The following SGCD variants were observed in gnomAD, a reference collection of about 807,000 sequenced individuals.
SGCD encodes the protein delta-sarcoglycan.
In SGCD, 18 loss-of-function variants were observed where a neutral mutation model predicts 36.6. The ratio of observed to expected loss-of-function variants is 0.49; its 90% CI spans 0.34 to 0.73. The LOEUF (loss-of-function observed/expected upper bound fraction) is 0.73. Ranked by LOEUF, SGCD falls within the 30% of genes least tolerant of loss-of-function variation. The pLI is 0.01. For missense variants in SGCD, 387 were observed against 346.7 expected, an observed-to-expected ratio of 1.12 and a Z score of -0.92; for synonymous variants, 133 against 130.6, an observed-to-expected ratio of 1.02 and a Z score of -0.12.
At chr5:156,263,795 C>T (rs900111625) in intron 3 of SGCD, among the ~76,000 whole-genome samples, 1 of 152,090 alleles carries the variant, frequency 6.6e-6, no homozygotes, top group African/African-American at 2.4e-5. Context: ...GATCCAGCTT[C>T]ATTCTTCTAC....
intron 3 of SGCD, among the ~76,000 whole-genome samples, chr5:156,451,381 T>A (rs1754005779): frequency 1.3e-5 from 2 of 152,140 alleles, no homozygotes; most frequent in African/African-American, 4.8e-5. Flanking sequence ...GATAAGAGTA[T>A]GTTTAATAGA....
intron 4 of SGCD, among the ~76,000 whole-genome samples, chr5:156,540,249 A>G (rs76715985): frequency 0.017 from 2,656 of 152,224 alleles, 31 homozygotes; most frequent in Non-Finnish European, 0.029. Context: ...AGCACTTTCT[A>G]TGGTTCCTAG....
chr5:156,294,749 C>A (rs1766851554), intron 3 of SGCD, among the ~76,000 whole-genome samples: 1 of 152,012 alleles, frequency 6.6e-6, no homozygotes, highest in Non-Finnish European at 1.5e-5. Flanking sequence ...CATGTGGTTC[C>A]TCCTGCTTCA....
intron 4 of SGCD, among the ~76,000 whole-genome samples, chr5:156,511,399 G>A (rs762405299): frequency 4.6e-5 from 7 of 152,174 alleles, no homozygotes; most frequent in Non-Finnish European, 4.4e-5. Context: ...TTCGCTGTCT[G>A]CTGCCTTACC....
At chr5:155,875,948 C>T (rs991373707) in intron 1 of SGCD, among the ~76,000 whole-genome samples, 1 of 151,828 alleles carries the variant, frequency 6.6e-6, no homozygotes, top group South Asian at 2.1e-4. Context: ...ACCTAACACC[C>T]TGTGCAAATT....
intron 7 of SGCD, among the ~76,000 whole-genome samples, chr5:156,752,829 C>G (rs954536532): frequency 6.6e-6 from 1 of 152,270 alleles, no homozygotes; most frequent in East Asian, 1.9e-4. Flanking sequence ...CAACCACTGG[C>G]CAGGTTAGAT....
chr5:155,988,592 C>T (rs1308447335), intron 1 of SGCD, among the ~76,000 whole-genome samples: 6 of 151,672 alleles, frequency 4.0e-5, no homozygotes, highest in African/African-American at 1.5e-4. Context: ...CTCCAGTCTC[C>T]GTCATACTTT....
chr5:156,553,104 A>C (rs1022697861), intron 4 of SGCD, among the ~76,000 whole-genome samples: 2 of 152,146 alleles, frequency 1.3e-5, no homozygotes, highest in African/African-American at 4.8e-5. Flanking sequence ...GAAGCAAGAG[A>C]GGTGGAGAGA....
intron 3 of SGCD, among the ~76,000 whole-genome samples, chr5:156,475,822 A>T (rs1755154720): frequency 6.6e-6 from 1 of 152,238 alleles, no homozygotes; most frequent in Non-Finnish European, 1.5e-5. Flanking sequence ...GTCCCAAAAG[A>T]GGAGCTATGA....
intron 3 of SGCD, among the ~76,000 whole-genome samples, chr5:156,394,066 G>A (rs1343329762): frequency 6.6e-6 from 1 of 152,200 alleles, no homozygotes; most frequent in Admixed American, 6.5e-5. Flanking sequence ...GGACACTTGG[G>A]AGGAATTCAT....
At chr5:155,861,498 T>TA in the SGCD span, among the ~76,000 whole-genome samples, 1 of 151,736 alleles carries the variant, frequency 6.6e-6, no homozygotes, top group South Asian at 2.1e-4. Flanking sequence ...GTCACGGTAC[T>TA]AAAAAAAGAA....
chr5:156,112,451 T>A (rs1761809308), intron 1 of SGCD, among the ~76,000 whole-genome samples: 1 of 152,188 alleles, frequency 6.6e-6, no homozygotes, highest in Admixed American at 6.5e-5. Context: ...TAAATTAGTG[T>A]GTGCTGAGGA....
rs553982105 is a variant in SGCD, at chr5:156,242,937, A to G, written c.-43-86597A>G. On this transcript the variant is annotated intron_variant, in intron 3 of 9. Transcript: ENST00000517913. ...TGTCAAGGGTAACAAAGTTGTTGCT[A>G]CAGAGACGTGGCTGGGTAAGGAATA... Among the ~76,000 whole-genome samples, 193 of 152,302 alleles carry G rather than the reference A, an allele frequency of 1.3e-3. 2 individuals are homozygous for G. The highest frequency in any genetic ancestry group is 4.6e-3 in the African/African-American group (192 of 41,570).
intron 3 of SGCD, among the ~76,000 whole-genome samples, chr5:156,378,968 C>G (rs937696494): frequency 6.6e-6 from 1 of 152,148 alleles, no homozygotes. Context: ...TCCATTCAGT[C>G]ATTGAATGTC....
intron 4 of SGCD, among the ~76,000 whole-genome samples, chr5:156,522,047 G>A (rs7701076): frequency 0.27 from 40,463 of 151,926 alleles, 5,606 homozygotes; most frequent in Non-Finnish European, 0.31. Flanking sequence ...CCTTCGAAGG[G>A]ACATAGATGA....
intron 4 of SGCD, among the ~76,000 whole-genome samples, chr5:156,538,420 G>A (rs537910214): frequency 6.6e-6 from 1 of 152,024 alleles, no homozygotes; most frequent in South Asian, 2.1e-4. Context: ...CCTGTGCCTG[G>A]CGACTTCTCA....
At chr5:155,793,909 A>C in the SGCD span, among the ~76,000 whole-genome samples, 2 of 150,512 alleles carry the variant, frequency 1.3e-5, no homozygotes, top group Non-Finnish European at 3.0e-5. Flanking sequence ...TCCCCTCAAC[A>C]TATTTGCTGA....
chr5:155,789,969 A>C, the SGCD span, among the ~76,000 whole-genome samples: 15 of 152,088 alleles, frequency 9.9e-5, no homozygotes, highest in Non-Finnish European at 2.1e-4. Flanking sequence ...TGGAGTATAG[A>C]TGACCTTTAG....
chr5:156,390,791 G>A (rs1771521827), intron 3 of SGCD, among the ~76,000 whole-genome samples: 1 of 151,884 alleles, frequency 6.6e-6, no homozygotes, highest in Admixed American at 6.6e-5. Context: ...ATAGAATAAG[G>A]GTATAAAGAA....
Sources: gnomAD v4.1 joint callset for allele counts (sites outside exome capture counted in the v4.1 genomes callset) on GRCh38, gnomAD v4.1.1 for gene constraint, MANE v1.5 for transcripts, NCBI Gene and HGNC (gene_info 2026-07-23, HGNC 2026-07-21) for gene names.